The following CYP4Z1 variants were observed in gnomAD, a reference collection of about 807,000 sequenced individuals.
CYP4Z1 encodes cytochrome P450 4Z1.
A neutral mutation model predicts 54.2 loss-of-function variants in CYP4Z1; 41 were observed. That is an observed-to-expected ratio of 0.76 (90% CI 0.59 to 0.98). The LOEUF (loss-of-function observed/expected upper bound fraction) is 0.98, where lower values mean the gene tolerates loss of function less well. Among genes scored for constraint, CYP4Z1 ranks in the 50% least tolerant of loss-of-function variants. CYP4Z1 has a pLI of 0.00. For synonymous variants in CYP4Z1, 163 were observed against 206.2 expected, an observed-to-expected ratio of 0.79 and a Z score of 1.79; for missense variants, 513 against 599.0, an observed-to-expected ratio of 0.86 and a Z score of 1.50.
At chr1:47,065,571 T>C (rs1644445480), upstream of CYP4Z1, among the ~76,000 whole-genome samples, 1 of 151,990 alleles carries the variant, frequency 6.6e-6, no homozygotes, top group South Asian at 2.1e-4. Context: ...AATGCCTATA[T>C]CAAAAAGTCT....
intron 8 of CYP4Z1, among the ~76,000 whole-genome samples, chr1:47,104,853 C>T (rs183811575): frequency 3.9e-5 from 6 of 152,164 alleles, no homozygotes; most frequent in African/African-American, 1.4e-4. Flanking sequence ...TACAAGAATG[C>T]TCAGATGAGA....
chr1:47,117,356 C>A (rs564810609), intron 11 of CYP4Z1, among the ~76,000 whole-genome samples: 5 of 152,234 alleles, frequency 3.3e-5, no homozygotes, highest in Admixed American at 6.5e-5. Flanking sequence ...AATAATAGAG[C>A]CACAGTTTGC....
chr1:47,080,160 T>A (rs998047355), intron 2 of CYP4Z1, among the ~76,000 whole-genome samples: 1 of 126,780 alleles, frequency 7.9e-6, no homozygotes, highest in African/African-American at 3.1e-5. Flanking sequence ...TATCTTTTCT[T>A]CTGATTCATT....
intron 4 of CYP4Z1, 47 bp downstream of exon 4, chr1:47,082,508 C>T: frequency 3.8e-6 from 6 of 1,578,900 alleles, no homozygotes; most frequent in Non-Finnish European, 4.3e-6. Context: ...AAGTGAGGTG[C>T]TGCCAGCCAT....
At chr1:47,088,599 C>T (rs1225084443) in intron 6 of CYP4Z1, among the ~76,000 whole-genome samples, 1 of 145,328 alleles carries the variant, frequency 6.9e-6, no homozygotes, top group East Asian at 2.0e-4. Context: ...ATTTGATTCT[C>T]CAATTTTTTT....
chr1:47,110,302 C>T (rs1234768291), intron 9 of CYP4Z1, among the ~76,000 whole-genome samples: 3 of 150,350 alleles, frequency 2.0e-5, no homozygotes, highest in African/African-American at 4.9e-5. Flanking sequence ...GGTTTTGTGC[C>T]ACTCATGGGA....
At chr1:47,088,870 C>T (rs886582442) in intron 6 of CYP4Z1, among the ~76,000 whole-genome samples, 2 of 142,086 alleles carry the variant, frequency 1.4e-5, no homozygotes, top group Non-Finnish European at 1.5e-5. Flanking sequence ...AATTTGCCTG[C>T]GTCAGCCTCC....
intron 9 of CYP4Z1, among the ~76,000 whole-genome samples, chr1:47,115,124 T>G (rs927502901): frequency 3.3e-5 from 5 of 152,214 alleles, no homozygotes; most frequent in East Asian, 1.9e-4. Context: ...CCATAAAAAA[T>G]GATGAGTTCA....
intron 9 of CYP4Z1, among the ~76,000 whole-genome samples, chr1:47,114,295 C>G (rs1644813917): frequency 6.6e-6 from 1 of 152,092 alleles, no homozygotes; most frequent in Non-Finnish European, 1.5e-5. Flanking sequence ...AAAATTAATT[C>G]AAGATGGATT....
In CYP4Z1 at chr1:47,104,369, G is replaced by T. The variant is rs79994073; in HGVS notation, c.1068-1759G>T. On this transcript the variant is annotated intron_variant, in intron 8 of 11. Transcript: ENST00000334194. ...AGTAGGCTGAGCATGCCCGTTCTTG[G>T]GCACCAAGGTGATGTATACTAGCAC... Among the ~76,000 whole-genome samples the T allele has an allele frequency of 7.4e-3, 1,133 of 152,240 alleles. 21 individuals carry two copies. The highest frequency in any genetic ancestry group is 0.066 in the East Asian group (344 of 5,174).
intron 8 of CYP4Z1, among the ~76,000 whole-genome samples, chr1:47,101,661 CTAA>C: frequency 6.6e-6 from 1 of 151,922 alleles, no homozygotes; most frequent in Non-Finnish European, 1.5e-5. Flanking sequence ...CTTTTGTGTC[CTAA>C]CATACAGTCT....
intron 9 of CYP4Z1, among the ~76,000 whole-genome samples, chr1:47,115,050 T>C (rs1440092044): frequency 6.6e-6 from 1 of 152,190 alleles, no homozygotes; most frequent in Non-Finnish European, 1.5e-5. Flanking sequence ...CCAACCCAAA[T>C]GTCCAACAAT....
chr1:47,076,838 CTG>C (rs1471423100), intron 2 of CYP4Z1, among the ~76,000 whole-genome samples: 1 of 39,732 alleles, frequency 2.5e-5, no homozygotes, highest in African/African-American at 1.2e-4. Context: ...GAGCCAGACG[CTG>C]TCTCAAAAAA....
intron 6 of CYP4Z1, among the ~76,000 whole-genome samples, chr1:47,094,257 C>A (rs923575987): frequency 6.6e-6 from 1 of 152,110 alleles, no homozygotes; most frequent in South Asian, 2.1e-4. Flanking sequence ...AATTTTACAA[C>A]CTTTGAATTA....
At position 47,080,139 on chromosome 1, in the gene CYP4Z1, G is replaced by A. The variant is rs1325237882; in HGVS notation, c.320-484G>A. Among the ~76,000 whole-genome samples, 4 of 125,556 alleles carry A rather than the reference G, an allele frequency of 3.2e-5. 1 individual carries two copies. The highest frequency in any genetic ancestry group is 1.3e-4 in the African/African-American group (4 of 31,930). 82.4% of individuals were successfully genotyped at this position (125,556 alleles called of 152,430 possible). A position where few individuals can be genotyped will look rare whatever the true frequency, so the allele number is the denominator to read the frequency against. On this transcript the variant is annotated intron_variant, in intron 2 of 11. Coordinates refer to ENST00000334194, the MANE Select transcript of CYP4Z1 (RefSeq NM_178134.3). ...GTTTTCCCAAAACTGTAAAACCAAG[G>A]TTATGTCCCTTATCTTTTCTTCTGA...
At chr1:47,094,730 C>G (rs540679285) in intron 7 of CYP4Z1, 61 bp downstream of exon 7, 1 of 1,293,644 alleles carries the variant, frequency 7.7e-7, no homozygotes. Flanking sequence ...AGAAATAGGC[C>G]GGGCACAGTG....
chr1:47,116,895 T>G (rs1644834304), intron 11 of CYP4Z1, among the ~76,000 whole-genome samples, 163 bp downstream of exon 11: 7 of 152,190 alleles, frequency 4.6e-5, no homozygotes, highest in Admixed American at 4.6e-4. Flanking sequence ...GGTACCCTTT[T>G]GAGCCCCCAA....
In CYP4Z1 at chr1:47,084,722, C is replaced by G; in HGVS notation, c.595C>G (p.Gln199Glu). Residue 199 changes from glutamine (Q) to glutamate (E), a missense_variant, in exon 5 of 12, where the codon CAG becomes GAG. Physicochemically the swap from Gln to Glu is conservative, Grantham distance 29. Transcript: ENST00000334194. ...DSIMKCAFSH[Q>E]GSIQLDSTLD... The stretch of plus-strand genomic sequence containing the variant: ...CATCATGAAGTGTGCCTTCAGCCAC[C>G]AGGGCAGCATCCAGTTGGACAGGTC... 1 of 1,613,066 alleles carries G rather than the reference C, an allele frequency of 6.2e-7. No homozygotes were observed. The highest frequency in any genetic ancestry group is 1.1e-5 in the South Asian group (1 of 90,930).
chr1:47,116,573 T>C (rs1644831473), intron 10 of CYP4Z1, 77 bp from the exon 11 acceptor site: 1 of 493,020 alleles, frequency 2.0e-6, no homozygotes, highest in Non-Finnish European at 2.9e-6. Flanking sequence ...TCTATGGATT[T>C]CGTTTTTGTT....
Sources: allele counts gnomAD v4.1 joint callset (sites outside exome capture counted in the v4.1 genomes callset), GRCh38; gene constraint gnomAD v4.1.1; transcripts MANE v1.5; gene names NCBI Gene and HGNC (gene_info 2026-07-23, HGNC 2026-07-21).